The following ATP9B variants were observed in gnomAD, a reference collection of about 807,000 sequenced individuals.
The protein encoded by ATP9B is probable phospholipid-transporting ATPase IIB.
A neutral mutation model predicts 146.1 loss-of-function variants in ATP9B; 110 were observed. The observed-to-expected ratio is 0.75, with a 90% CI of 0.65 to 0.88. The LOEUF is 0.88. Among genes scored for constraint, ATP9B ranks in the 40% least tolerant of loss-of-function variants. The probability of loss-of-function intolerance (pLI) is 0.00; values close to 1 mark genes in which losing one functional copy is unlikely to be tolerated. For missense variants in ATP9B, 1,499 were observed against 1,496.4 expected (o/e 1.00, Z -0.03); for synonymous variants, 604 against 569.7 (o/e 1.06, Z -0.86).
intron 18 of ATP9B, 89 bp downstream of exon 18, chr18:79,336,800 G>T: frequency 7.4e-7 from 1 of 1,352,524 alleles, no homozygotes. Flanking sequence ...TGAAATTAGA[G>T]CTGGGATCGC....
chr18:79,074,796 G>A (rs753994482), intron 1 of ATP9B, among the ~76,000 whole-genome samples: 4 of 152,234 alleles, frequency 2.6e-5, no homozygotes, highest in Non-Finnish European at 5.9e-5. Context: ...GGGAGGAGCA[G>A]AGAAATGGGT....
intron 10 of ATP9B, 136 bp downstream of exon 10, chr18:79,207,148 A>G: frequency 1.3e-6 from 1 of 768,720 alleles, no homozygotes; most frequent in Non-Finnish European, 2.1e-6. Flanking sequence ...ACTCCAGCTC[A>G]GTGGGTCTGA....
At position 79,316,503 on chromosome 18, in the gene ATP9B, T is replaced by C. The variant is rs1033310092; in HGVS notation, c.1773+9269T>C. Among the ~76,000 whole-genome samples the C allele has an allele frequency of 2.8e-4, 42 of 151,944 alleles. 1 individual carries two copies. The highest frequency in any genetic ancestry group is 9.7e-4 in the African/African-American group (40 of 41,352). ...ATACAGTCCAACCAAAGACTGCAAA[T>C]AATAACCTCAAAGAAGCTGTGGCAA... is the stretch of plus-strand genomic sequence containing the variant. On this transcript the variant is annotated intron_variant, in intron 15 of 29. Transcript: ENST00000426216.
chr18:79,281,363 G>T (rs1286806886), intron 13 of ATP9B, among the ~76,000 whole-genome samples: 1 of 151,926 alleles, frequency 6.6e-6, no homozygotes, highest in Non-Finnish European at 1.5e-5. Context: ...CAGGCATGGT[G>T]GTGCATGCCT....
chr18:79,203,091 G>A (rs2095503049), intron 9 of ATP9B, among the ~76,000 whole-genome samples: 1 of 152,214 alleles, frequency 6.6e-6, no homozygotes, highest in Non-Finnish European at 1.5e-5. Context: ...GTGAAGTCAC[G>A]ATGGGCATCT....
At chr18:79,366,773 C>T (rs889281030) in intron 26 of ATP9B, among the ~76,000 whole-genome samples, 3 of 152,190 alleles carry the variant, frequency 2.0e-5, no homozygotes, top group Non-Finnish European at 2.9e-5. Flanking sequence ...CCACGCAGAG[C>T]CCTAGAGAAG....
At chr18:79,182,234 A>C (rs2095259970) in intron 8 of ATP9B, among the ~76,000 whole-genome samples, 1 of 152,148 alleles carries the variant, frequency 6.6e-6, no homozygotes, top group Non-Finnish European at 1.5e-5. Context: ...CTGGCTAGTC[A>C]AAACTCAGCT....
chr18:79,108,880 A>C (rs1224991140), intron 2 of ATP9B, among the ~76,000 whole-genome samples: 2 of 152,210 alleles, frequency 1.3e-5, no homozygotes, highest in Middle Eastern at 3.2e-3. Flanking sequence ...TATGAAGTTT[A>C]CTTCATATAT....
chr18:79,189,097 C>A (rs149395410), intron 8 of ATP9B, among the ~76,000 whole-genome samples: 4,515 of 151,996 alleles, frequency 0.03, 223 homozygotes, highest in African/African-American at 0.1. Context: ...GCCTGTAATC[C>A]CAGCACTTTG....
At chr18:79,319,166 T>C (rs2096700207) in intron 15 of ATP9B, among the ~76,000 whole-genome samples, 1 of 152,158 alleles carries the variant, frequency 6.6e-6, no homozygotes, top group Non-Finnish European at 1.5e-5. Flanking sequence ...TCGGCTTCAC[T>C]TTCAGGCAAG....
intron 4 of ATP9B, among the ~76,000 whole-genome samples, chr18:79,118,556 A>G (rs1046123884): frequency 4.0e-5 from 6 of 151,378 alleles, no homozygotes; most frequent in Non-Finnish European, 7.4e-5. Flanking sequence ...ACCTGCCACC[A>G]TGCCCTGCTA....
In ATP9B at chr18:79,374,088, C is replaced by T; in HGVS notation, c.3261C>T (p.Leu1087=). The T allele has an allele frequency of 1.9e-6, 3 of 1,614,138 alleles. No homozygotes were observed. The highest frequency in any genetic ancestry group is 1.7e-6 in the Non-Finnish European group (2 of 1,180,012). ...GCTACGTGTCCTCACTCGCTTTTCTCAATGAATATTTTGGTAAGTTGCCTT... is the reference window on the plus strand; with the variant it reads ...GCTACGTGTCCTCACTCGCTTTTCTTAATGAATATTTTGGTAAGTTGCCTT... ...LGCYVSSLAF[L]NEYFGIGRVS... Residue 1087 remains leucine, a synonymous_variant, in exon 28 of 30, where the codon CTC becomes CTT. Transcript: ENST00000426216.
At chr18:79,344,392 G>A in intron 21 of ATP9B, 38 bp downstream of exon 21, 1 of 1,584,536 alleles carries the variant, frequency 6.3e-7, no homozygotes, top group South Asian at 1.1e-5. Flanking sequence ...GTCTGTCTGT[G>A]TCTCTGAGGC....
rs2097080456 is a variant in ATP9B at position 79,372,834 on chromosome 18, T to C, written c.3022T>C (p.Leu1008=). 5 of 1,610,624 alleles carry C rather than the reference T, an allele frequency of 3.1e-6. No individual in the cohort carries two copies. The highest frequency in any genetic ancestry group is 3.4e-6 in the Non-Finnish European group (4 of 1,176,816). Residue 1008 remains leucine, a synonymous_variant, in exon 27 of 30, where the codon TTG becomes CTG. Coordinates refer to ENST00000426216, the MANE Select transcript of ATP9B (RefSeq NM_198531.5). ...TCCACTGTTTCCCTAGGGAAGATCCTTGTCCTTCAAAACCTTCCTCATCTG... is the reference window on the plus strand; with the variant it reads ...TCCACTGTTTCCCTAGGGAAGATCCCTGTCCTTCAAAACCTTCCTCATCTG... The part of the protein sequence containing the change: ...LYKDLTKGRS[L]SFKTFLIWVL...
At chr18:79,227,276 A>C (rs1297893192) in intron 11 of ATP9B, among the ~76,000 whole-genome samples, 1 of 151,974 alleles carries the variant, frequency 6.6e-6, no homozygotes, top group African/African-American at 2.4e-5. Context: ...CTTTTAGCAA[A>C]AAATGCTGTT....
At chr18:79,232,381 G>A (rs1201567422) in intron 11 of ATP9B, among the ~76,000 whole-genome samples, 1 of 152,172 alleles carries the variant, frequency 6.6e-6, no homozygotes, top group Non-Finnish European at 1.5e-5. Flanking sequence ...GCAAGGTGTA[G>A]AATCTCTGAG....
chr18:79,329,145 C>T lies in ATP9B; in HGVS notation c.1778C>T (p.Ala593Val), dbSNP rs373383095. The T allele has an allele frequency of 1.9e-6, 3 of 1,591,536 alleles. No individual in the cohort carries two copies. The highest frequency in any genetic ancestry group is 2.6e-6 in the Non-Finnish European group (3 of 1,169,894). Residue 593 changes from alanine (A) to valine (V), a missense_variant, in exon 16 of 30, where the codon GCT (alanine) becomes GTT (valine). Ala to Val is a moderately conservative substitution (Grantham distance 64). Transcript: ENST00000426216. Reference sequence around the variant, plus strand: ...GTTGTTGCTGGTCTCCCGTAGGTCGCTCTGGTGCAGTGGACAGAGAGTGTG... The same window carrying T: ...GTTGTTGCTGGTCTCCCGTAGGTCGTTCTGGTGCAGTGGACAGAGAGTGTG... ...TYQASSPDEV[A>V]LVQWTESVGL...
At chr18:79,210,671 G>A (rs895343785) in intron 10 of ATP9B, among the ~76,000 whole-genome samples, 4 of 152,184 alleles carry the variant, frequency 2.6e-5, no homozygotes, top group Non-Finnish European at 5.9e-5. Context: ...TGCTATCATC[G>A]GGTCCAGCCC....
intron 7 of ATP9B, among the ~76,000 whole-genome samples, chr18:79,173,495 G>A (rs1428248276): frequency 6.6e-6 from 1 of 151,152 alleles, no homozygotes; most frequent in Admixed American, 6.6e-5. Context: ...GTTAATTACT[G>A]TATAAGATGT....
Sources: allele counts gnomAD v4.1 joint callset (sites outside exome capture counted in the v4.1 genomes callset), GRCh38; gene constraint gnomAD v4.1.1; transcripts MANE v1.5; gene names NCBI Gene and HGNC (gene_info 2026-07-23, HGNC 2026-07-21).